The following DSCAML1 variants were observed in gnomAD, a reference collection of about 807,000 sequenced individuals.
DSCAML1 encodes cell adhesion molecule DSCAML1.
In DSCAML1, 38 loss-of-function variants were observed where a neutral mutation model predicts 200.5. The ratio of observed to expected loss-of-function variants is 0.19; its 90% CI spans 0.15 to 0.25. The LOEUF (loss-of-function observed/expected upper bound fraction) is 0.25, where lower values mean the gene tolerates loss of function less well. Among genes scored for constraint, DSCAML1 ranks in the 10% least tolerant of loss-of-function variants. DSCAML1 has a pLI of 1.00. For missense variants in DSCAML1, 2,223 were observed against 2,858.8 expected, an observed-to-expected ratio of 0.78 and a Z score of 5.07; for synonymous variants, 1,215 against 1,165.0, an observed-to-expected ratio of 1.04 and a Z score of -0.87.
chr11:117,639,650 A>G (rs901310619), intron 3 of DSCAML1, among the ~76,000 whole-genome samples: 4 of 151,864 alleles, frequency 2.6e-5, no homozygotes, highest in African/African-American at 9.7e-5. Context: ...TGAGGGGAGG[A>G]GGGAAGGAGG....
intron 23 of DSCAML1, 63 bp from the exon 24 acceptor site, chr11:117,439,046 TC>T (rs1410177384): frequency 2.7e-6 from 4 of 1,477,132 alleles, no homozygotes; most frequent in African/African-American, 1.4e-5. Context: ...GTGTGGGGAG[TC>T]CCCCCGTGAC....
At chr11:117,584,073 A>AC (rs967157377) in intron 3 of DSCAML1, among the ~76,000 whole-genome samples, 2 of 146,834 alleles carry the variant, frequency 1.4e-5, no homozygotes, top group Non-Finnish European at 3.0e-5. Flanking sequence ...CTCCTCTCCT[A>AC]CCCCCCTGTG....
At position 117,720,578 on chromosome 11, in the gene DSCAML1, G is replaced by A. The variant is rs1162857579; in HGVS notation, c.511+56213C>T. 2.6e-5 allele frequency among the ~76,000 whole-genome samples: 4 copies of A among 152,206 alleles called. No individual in the cohort carries two copies. In the East Asian group the frequency reaches 7.7e-4, roughly 29 times the overall value. On this transcript the variant is annotated intron_variant, in intron 3 of 32. Transcript: ENST00000651296. ...CATCCCTTGCACTTGCAAACTCCAT[G>A]CTTCCTCCTCCTTCTCACTTCCCAA...
At chr11:117,619,191 C>A (rs1349872756) in intron 3 of DSCAML1, among the ~76,000 whole-genome samples, 8 of 152,268 alleles carry the variant, frequency 5.3e-5, no homozygotes, top group Non-Finnish European at 7.3e-5. Flanking sequence ...TGACTCTACT[C>A]CAGCCCCTGG....
intron 3 of DSCAML1, among the ~76,000 whole-genome samples, chr11:117,546,333 C>T (rs956535713): frequency 1.3e-5 from 2 of 152,220 alleles, no homozygotes; most frequent in African/African-American, 4.8e-5. Flanking sequence ...TCTCTCTGAA[C>T]CTGTTTCCTG....
At chr11:117,691,099 G>C (rs1023114067) in intron 3 of DSCAML1, among the ~76,000 whole-genome samples, 1 of 152,172 alleles carries the variant, frequency 6.6e-6, no homozygotes, top group Non-Finnish European at 1.5e-5. Context: ...GAATAGACTT[G>C]AAAATCCCCA....
At chr11:117,548,659 C>T (rs2050420565) in intron 3 of DSCAML1, among the ~76,000 whole-genome samples, 1 of 152,160 alleles carries the variant, frequency 6.6e-6, no homozygotes, top group Admixed American at 6.5e-5. Context: ...CTCCCCATAA[C>T]AGCTGGGCCA....
intron 20 of DSCAML1, among the ~76,000 whole-genome samples, chr11:117,448,207 C>T (rs1465843371): frequency 1.3e-5 from 2 of 152,188 alleles, no homozygotes; most frequent in Non-Finnish European, 2.9e-5. Flanking sequence ...GGACACCAAC[C>T]TTGGAAAGAC....
At chr11:117,659,348 T>C (rs1325591669) in intron 3 of DSCAML1, among the ~76,000 whole-genome samples, 1 of 152,218 alleles carries the variant, frequency 6.6e-6, no homozygotes, top group Admixed American at 6.5e-5. Flanking sequence ...CCACAGACTA[T>C]GAAGCCACTA....
intron 8 of DSCAML1, among the ~76,000 whole-genome samples, chr11:117,508,690 A>AGG (rs2049557694): frequency 6.6e-6 from 1 of 152,080 alleles, no homozygotes; most frequent in African/African-American, 2.4e-5. Context: ...AACACGAGCA[A>AGG]GGGGAGGGTG....
intron 6 of DSCAML1, among the ~76,000 whole-genome samples, chr11:117,519,759 G>C (rs952713885): frequency 3.3e-5 from 5 of 152,186 alleles, no homozygotes; most frequent in African/African-American, 1.2e-4. Context: ...GTTTGAGGCC[G>C]CAGTGAGCTA....
In DSCAML1 at chr11:117,428,011, AAT is replaced by A. The variant is rs1195218360; in HGVS notation, c.*315_*316del. 1 of 191,482 alleles carries A rather than the reference AAT, an allele frequency of 5.2e-6. No individual in the cohort carries two copies. The highest frequency in any genetic ancestry group is 1.1e-5 in the Non-Finnish European group (1 of 94,306). The allele number at this position is 191,482 out of a possible 1,614,324, so 11.9% of individuals were successfully genotyped here. On this transcript the variant is annotated 3_prime_UTR_variant, in exon 33 of 33. Coordinates refer to ENST00000651296, the MANE Select transcript of DSCAML1 (RefSeq NM_020693.4). ...CTCTGTCTCAAAATAGGGTGAGAGA[AAT>A]ATATAGATATATAGCTCGTGGACGC...
At chr11:117,629,699 G>GA in intron 3 of DSCAML1, among the ~76,000 whole-genome samples, 1 of 152,096 alleles carries the variant, frequency 6.6e-6, no homozygotes, top group East Asian at 1.9e-4. Flanking sequence ...GAAAGACACT[G>GA]AAAAAAGAGA....
chr11:117,625,603 C>T (rs1376156381), intron 3 of DSCAML1, among the ~76,000 whole-genome samples: 1 of 152,200 alleles, frequency 6.6e-6, no homozygotes, highest in Admixed American at 6.5e-5. Flanking sequence ...AGAGGATGCT[C>T]TTCATACTTG....
chr11:117,744,467 C>G (rs1423572198), intron 3 of DSCAML1, among the ~76,000 whole-genome samples: 1 of 152,262 alleles, frequency 6.6e-6, no homozygotes. Context: ...GCATCAGTCT[C>G]TCTCCCTTTC....
At position 117,623,216 on chromosome 11, in the gene DSCAML1, C is replaced by CTTTTTTT. The variant is rs56343852; in HGVS notation, c.512-90701_512-90695dup. Among the ~76,000 whole-genome samples, 297 of 121,056 alleles carry CTTTTTTT rather than the reference C, an allele frequency of 2.5e-3. 3 individuals are homozygous for CTTTTTTT. The highest frequency in any genetic ancestry group is 5.0e-3 in the Middle Eastern group (1 of 200). The allele number at this position is 121,056 out of a possible 152,430, so 79.4% of individuals were successfully genotyped here. ...TTTTTTTTCTTTTTTCTTTTCTTTT[C>CTTTTTTT]TTTTTTTTTTTTTTTTTGAGACAGA... On this transcript the variant is annotated intron_variant, in intron 3 of 32. Transcript: ENST00000651296.
intron 3 of DSCAML1, among the ~76,000 whole-genome samples, chr11:117,547,284 C>T (rs1481046874): frequency 6.6e-6 from 1 of 152,166 alleles, no homozygotes; most frequent in Non-Finnish European, 1.5e-5. Context: ...GTCAGATGCT[C>T]ACGGTATAAT....
intron 5 of DSCAML1, among the ~76,000 whole-genome samples, chr11:117,523,139 C>T (rs1254662247): frequency 2.0e-5 from 3 of 152,156 alleles, no homozygotes; most frequent in Non-Finnish European, 4.4e-5. Flanking sequence ...GCATTTTCAA[C>T]ATGTGTGCCT....
chr11:117,735,748 C>G (rs1056018830), intron 3 of DSCAML1, among the ~76,000 whole-genome samples: 1 of 152,192 alleles, frequency 6.6e-6, no homozygotes, highest in South Asian at 2.1e-4. Flanking sequence ...GGAGCTGCGT[C>G]CAGCGGGTCC....
Sources: gnomAD v4.1 joint callset for allele counts (sites outside exome capture counted in the v4.1 genomes callset) on GRCh38, gnomAD v4.1.1 for gene constraint, MANE v1.5 for transcripts, NCBI Gene and HGNC (gene_info 2026-07-23, HGNC 2026-07-21) for gene names.